Variants in CSMD1 observed in about 807,000 individuals in gnomAD.
The protein encoded by CSMD1 is CUB and Sushi multiple domains 1, also known as CUB and sushi domain-containing protein 1.
Under a neutral mutation model 417.5 loss-of-function variants are expected in CSMD1, and 213 were observed. That is an observed-to-expected ratio of 0.51 (90% confidence interval 0.46 to 0.57). The LOEUF (loss-of-function observed/expected upper bound fraction) is 0.57. Ranked by LOEUF, CSMD1 falls within the 20% of genes least tolerant of loss-of-function variation. CSMD1 has a pLI of 0.00. For synonymous variants in CSMD1, 2,862 were observed against 1,736.8 expected (o/e 1.65, Z -16.11); for missense variants, 6,923 against 4,529.7 (o/e 1.53, Z -15.17).
At chr8:4,495,207 A>AT (rs1336146056) in intron 2 of CSMD1, among the ~76,000 whole-genome samples, 1 of 152,160 alleles carries the variant, frequency 6.6e-6, no homozygotes, top group African/African-American at 2.4e-5. Context: ...AAATCCTGGG[A>AT]TTTTTATAAA....
chr8:3,034,468 G>A (rs772164132), intron 50 of CSMD1, among the ~76,000 whole-genome samples: 33 of 152,258 alleles, frequency 2.2e-4, no homozygotes, highest in Non-Finnish European at 3.8e-4. Flanking sequence ...CTAAGTCCCA[G>A]TGAAAAAATC....
At chr8:3,454,433 T>G (rs1815968127) in intron 12 of CSMD1, among the ~76,000 whole-genome samples, 1 of 152,220 alleles carries the variant, frequency 6.6e-6, no homozygotes, top group Non-Finnish European at 1.5e-5. Flanking sequence ...TTTGGCATGT[T>G]TTTGCAGTGG....
At chr8:3,915,251 G>GA (rs1470466355) in intron 5 of CSMD1, among the ~76,000 whole-genome samples, 1 of 151,560 alleles carries the variant, frequency 6.6e-6, no homozygotes, top group East Asian at 1.9e-4. Context: ...ACCAAAAATA[G>GA]AAAAATTATC....
At chr8:4,401,819 C>A (rs562498257) in intron 3 of CSMD1, among the ~76,000 whole-genome samples, 6 of 152,112 alleles carry the variant, frequency 3.9e-5, no homozygotes, top group African/African-American at 1.4e-4. Flanking sequence ...CCCTCCGTTC[C>A]CTGGGATTGG....
chr8:4,367,890 G>A lies in CSMD1; in HGVS notation c.415+52063C>T, dbSNP rs568770362. 1.3e-3 allele frequency among the ~76,000 whole-genome samples: 191 copies of A among 152,132 alleles called. 2 individuals carry two copies. Among genetic ancestry groups the A allele is most frequent in the Middle Eastern group, 6.8e-3 (2 of 294 alleles). On this transcript the variant is annotated intron_variant, in intron 3 of 69. Coordinates refer to ENST00000635120, the MANE Select transcript of CSMD1 (RefSeq NM_033225.6). The stretch of plus-strand genomic sequence containing the variant: ...GGGTATAGAAATGCTACTAATTTTC[G>A]TACATTATTTTGTATCCTGAAACAT...
At chr8:4,506,771 T>C (rs1286364036) in intron 2 of CSMD1, among the ~76,000 whole-genome samples, 1 of 152,212 alleles carries the variant, frequency 6.6e-6, no homozygotes, top group Non-Finnish European at 1.5e-5. Context: ...ATAAATGCTT[T>C]AATTTTCCTG....
At chr8:4,486,579 A>G (rs566421692) in intron 2 of CSMD1, among the ~76,000 whole-genome samples, 36 of 152,208 alleles carry the variant, frequency 2.4e-4, no homozygotes, top group Admixed American at 7.9e-4. Flanking sequence ...CAATGCATAT[A>G]TAAGAAGTCC....
chr8:4,118,449 C>G (rs1420984563), intron 3 of CSMD1, among the ~76,000 whole-genome samples: 1 of 149,786 alleles, frequency 6.7e-6, no homozygotes, highest in South Asian at 2.2e-4. Flanking sequence ...ACAGTCACTT[C>G]TCAAAAGAAG....
intron 3 of CSMD1, among the ~76,000 whole-genome samples, chr8:4,385,661 G>A (rs538884447): frequency 2.6e-5 from 4 of 152,080 alleles, no homozygotes; most frequent in Non-Finnish European, 5.9e-5. Context: ...TCATCCTGTA[G>A]GCATTATCCA....
chr8:3,604,828 T>C (rs1293566561), intron 8 of CSMD1, among the ~76,000 whole-genome samples: 1 of 152,126 alleles, frequency 6.6e-6, no homozygotes, highest in Non-Finnish European at 1.5e-5. Context: ...TCTCTCTTGA[T>C]GAAGACAACA....
At chr8:4,451,229 G>C (rs1212841889) in intron 2 of CSMD1, among the ~76,000 whole-genome samples, 1 of 152,114 alleles carries the variant, frequency 6.6e-6, no homozygotes, top group African/African-American at 2.4e-5. Context: ...TACTTGGGAG[G>C]CTAAGGAGGG....
chr8:3,257,781 C>T (rs1800768500), intron 26 of CSMD1, among the ~76,000 whole-genome samples: 1 of 151,948 alleles, frequency 6.6e-6, no homozygotes. Context: ...GATGAGGCTT[C>T]CAAGGGAGGT....
intron 2 of CSMD1, among the ~76,000 whole-genome samples, chr8:4,521,440 A>T (rs1467550284): frequency 6.6e-6 from 1 of 152,190 alleles, no homozygotes; most frequent in Non-Finnish European, 1.5e-5. Context: ...AGAATCATAT[A>T]CCTGCTGCAT....
intron 2 of CSMD1, among the ~76,000 whole-genome samples, chr8:4,631,436 T>C (rs1802507415): frequency 6.6e-6 from 1 of 151,306 alleles, no homozygotes; most frequent in African/African-American, 2.4e-5. Flanking sequence ...GATCTGTGAA[T>C]GGCTCCCTTA....
intron 6 of CSMD1, among the ~76,000 whole-genome samples, chr8:3,739,239 C>T (rs1416651443): frequency 6.6e-6 from 1 of 152,176 alleles, no homozygotes; most frequent in African/African-American, 2.4e-5. Context: ...CCCAGGCATT[C>T]TGTTCTCATC....
intron 3 of CSMD1, among the ~76,000 whole-genome samples, chr8:4,060,627 C>A (rs59516451): frequency 0.12 from 17,665 of 152,084 alleles, 1,549 homozygotes; most frequent in East Asian, 0.35. Context: ...AGCGATGGGG[C>A]TACTGGAGGA....
At chr8:3,867,394 C>T (rs575656989) in intron 5 of CSMD1, among the ~76,000 whole-genome samples, 5 of 152,096 alleles carry the variant, frequency 3.3e-5, no homozygotes, top group African/African-American at 4.8e-5. Context: ...AATTTCCATT[C>T]TTTTCTTTTA....
chr8:3,311,807 T>G (rs1805372876), intron 23 of CSMD1, among the ~76,000 whole-genome samples: 2 of 152,016 alleles, frequency 1.3e-5, no homozygotes, highest in African/African-American at 2.4e-5. Context: ...TTTTCTTCAC[T>G]GGAGACATGT....
chr8:4,470,679 G>T (rs556244403), intron 2 of CSMD1, among the ~76,000 whole-genome samples: 10 of 152,198 alleles, frequency 6.6e-5, no homozygotes, highest in Admixed American at 5.9e-4. Flanking sequence ...AGTGCTTTTT[G>T]AAAAAGAATG....
Sources: gnomAD v4.1 joint callset for allele counts (sites outside exome capture counted in the v4.1 genomes callset) on GRCh38, gnomAD v4.1.1 for gene constraint, MANE v1.5 for transcripts, NCBI Gene and HGNC (gene_info 2026-07-23, HGNC 2026-07-21) for gene names.